LRRC4C: variants seen among roughly 807,000 people sequenced by gnomAD.
LRRC4C encodes the protein leucine rich repeat containing 4C.
A neutral mutation model predicts 33.6 loss-of-function variants in LRRC4C; 5 were observed. The observed-to-expected ratio is 0.15, with a 90% CI of 0.08 to 0.31. The LOEUF (loss-of-function observed/expected upper bound fraction) is 0.31. Ranked by LOEUF, LRRC4C falls within the 10% of genes least tolerant of loss-of-function variation. LRRC4C has a pLI of 1.00. For missense variants in LRRC4C, 560 were observed against 796.7 expected (o/e 0.70, Z 3.58); for synonymous variants, 329 against 302.0 (o/e 1.09, Z -0.93).
At chr11:41,009,047 GAC>G (rs1854973315) in intron 1 of LRRC4C, among the ~76,000 whole-genome samples, 1 of 151,924 alleles carries the variant, frequency 6.6e-6, no homozygotes, top group Non-Finnish European at 1.5e-5. Flanking sequence ...AACTTTTAAA[GAC>G]ATTGAAAGAA....
intron 2 of LRRC4C, among the ~76,000 whole-genome samples, chr11:40,863,015 A>C (rs1954178159): frequency 6.6e-6 from 1 of 152,048 alleles, no homozygotes; most frequent in Non-Finnish European, 1.5e-5. Context: ...ATCATCTTTT[A>C]CTCCTTTCAA....
Position 40,114,372 on chromosome 11 carries a change from A to C in LRRC4C, c.1921T>G (p.Ter641GluextTer18). The change falls in exon 7 of 7, where the codon TAA becomes GAA. Residue 641 changes from the stop codon to glutamate, a stop_lost. Transcript: ENST00000528697. The stretch of plus-strand genomic sequence containing the variant: ...TTTTTTGTAACTCTGTAAATGTTTT[A>C]GATTTGAGTCTCTTGTACATTGTCT... ...SKDNVQETQI* is the reference protein window; with the variant it reads ...SKDNVQETQIE The C allele has an allele frequency of 6.3e-7, 1 of 1,582,772 alleles. No homozygotes were observed.
At position 40,609,883 on chromosome 11, in the gene LRRC4C, A is replaced by AGAC. The variant is rs540664242; in HGVS notation, c.-270+38256_-270+38258dup. 1.1e-3 allele frequency among the ~76,000 whole-genome samples: 174 copies of AGAC among 152,170 alleles called. No homozygotes were observed. In the Middle Eastern group the frequency reaches 0.02, roughly 18 times the overall value. ...AATCTTAACGGAAGGACGAGTTAGAAGACTGATTTAGTAATGAAAACCTCC... is the reference window on the plus strand; with the variant it reads ...AATCTTAACGGAAGGACGAGTTAGAAGACGACTGATTTAGTAATGAAAACCTCC... On this transcript the variant is annotated intron_variant, in intron 3 of 6. Transcript: ENST00000528697.
chr11:40,553,590 A>G (rs1016570728), intron 3 of LRRC4C, among the ~76,000 whole-genome samples: 9 of 152,092 alleles, frequency 5.9e-5, no homozygotes, highest in Non-Finnish European at 1.0e-4. Flanking sequence ...AATATCAGTT[A>G]TTTTTGGACT....
At chr11:40,524,835 C>A (rs1015895433) in intron 3 of LRRC4C, among the ~76,000 whole-genome samples, 14 of 152,288 alleles carry the variant, frequency 9.2e-5, no homozygotes, top group African/African-American at 3.4e-4. Context: ...TTGGAGCTCG[C>A]ATAGGCATAC....
chr11:40,955,427 A>C (rs920363324), intron 1 of LRRC4C, among the ~76,000 whole-genome samples: 1 of 151,696 alleles, frequency 6.6e-6, no homozygotes, highest in Admixed American at 6.6e-5. Flanking sequence ...TTTCTTCATC[A>C]CTGGGGGGGA....
At chr11:40,708,173 A>G (rs1402864061) in intron 2 of LRRC4C, among the ~76,000 whole-genome samples, 1 of 151,990 alleles carries the variant, frequency 6.6e-6, no homozygotes, top group Non-Finnish European at 1.5e-5. Context: ...TCCTGGATTC[A>G]CTGATTTTTT....
chr11:40,216,813 G>GC (rs1189816959), intron 5 of LRRC4C, among the ~76,000 whole-genome samples: 1 of 152,122 alleles, frequency 6.6e-6, no homozygotes, highest in Non-Finnish European at 1.5e-5. Flanking sequence ...ATGGAAGACC[G>GC]CAAGTTCTTT....
At chr11:40,868,475 C>T (rs1246288419) in intron 2 of LRRC4C, among the ~76,000 whole-genome samples, 2 of 152,054 alleles carry the variant, frequency 1.3e-5, no homozygotes, top group East Asian at 1.9e-4. Flanking sequence ...TTAGATGAGT[C>T]AGCAGGAAAA....
At position 40,425,643 on chromosome 11, in the gene LRRC4C, G is replaced by A. The variant is rs537198228; in HGVS notation, c.-269-105922C>T. 3.3e-5 allele frequency among the ~76,000 whole-genome samples: 5 copies of A among 152,254 alleles called. No homozygotes were observed. In the East Asian group the frequency reaches 5.8e-4, roughly 18 times the overall value. ...AGTCGAAGTGAATAGAGCCATAAAC[G>A]GAGGAGCAAATGAAAATAGTGGAAA... On this transcript the variant is annotated intron_variant, in intron 3 of 6. Transcript: ENST00000528697.
chr11:40,475,867 C>A (rs184383625), intron 3 of LRRC4C, among the ~76,000 whole-genome samples: 2 of 152,256 alleles, frequency 1.3e-5, no homozygotes, highest in Non-Finnish European at 2.9e-5. Context: ...CTAAATTCCT[C>A]CCCATTTACT....
At chr11:40,871,840 C>G (rs1004611248) in intron 2 of LRRC4C, among the ~76,000 whole-genome samples, 14 of 152,100 alleles carry the variant, frequency 9.2e-5, no homozygotes, top group Non-Finnish European at 2.1e-4. Context: ...GAGAACTGCC[C>G]TACACACTCA....
At chr11:41,303,349 G>C (rs1354509093) in intron 1 of LRRC4C, among the ~76,000 whole-genome samples, 3 of 117,294 alleles carry the variant, frequency 2.6e-5, no homozygotes, top group Non-Finnish European at 3.7e-5. Flanking sequence ...TCGGCCTCCC[G>C]AGGTGCCGGG....
At position 40,728,371 on chromosome 11, in the gene LRRC4C, C is replaced by T. The variant is rs566573753; in HGVS notation, c.-406-80093G>A. On this transcript the variant is annotated intron_variant, in intron 2 of 6. Coordinates refer to ENST00000528697, the MANE Select transcript of LRRC4C (RefSeq NM_001258419.2). Reference sequence around the variant, plus strand: ...CTGTAATCCCAGCAATTTGGGAGGCCGAGGCGGACGGATCACGAGGTCAGG... The same window carrying T: ...CTGTAATCCCAGCAATTTGGGAGGCTGAGGCGGACGGATCACGAGGTCAGG... Among the ~76,000 whole-genome samples, 32 of 151,318 alleles carry T rather than the reference C, an allele frequency of 2.1e-4. No individual in the cohort carries two copies. In the South Asian group the frequency reaches 5.6e-3, roughly 27 times the overall value.
chr11:40,657,030 C>A (rs1199024691), intron 2 of LRRC4C, among the ~76,000 whole-genome samples: 1 of 152,122 alleles, frequency 6.6e-6, no homozygotes, highest in Non-Finnish European at 1.5e-5. Flanking sequence ...TATTTGGCTA[C>A]CTCCAAGCTA....
At position 40,822,106 on chromosome 11, in the gene LRRC4C, A is replaced by C. The variant is rs1336755985; in HGVS notation, c.-407+111529T>G. ...ACTGTGCTATTGAACACTAGAACTTATTCCTTCAATCTATTTTTGTAACCA... is the reference window on the plus strand; with the variant it reads ...ACTGTGCTATTGAACACTAGAACTTCTTCCTTCAATCTATTTTTGTAACCA... On this transcript the variant is annotated intron_variant, in intron 2 of 6. Transcript: ENST00000528697. Among the ~76,000 whole-genome samples, 4 of 151,650 alleles carry C rather than the reference A, an allele frequency of 2.6e-5. No homozygotes were observed. In the East Asian group the frequency reaches 7.7e-4, roughly 29 times the overall value.
intron 4 of LRRC4C, among the ~76,000 whole-genome samples, chr11:40,312,675 T>C (rs1207668022): frequency 6.6e-6 from 1 of 152,204 alleles, no homozygotes; most frequent in East Asian, 1.9e-4. Context: ...GGGGTTCCTG[T>C]TTTAGTCTTA....
intron 2 of LRRC4C, among the ~76,000 whole-genome samples, chr11:40,843,254 G>GACTT (rs1952996758): frequency 6.6e-6 from 1 of 151,968 alleles, no homozygotes; most frequent in African/African-American, 2.4e-5. Context: ...TTGATATCTG[G>GACTT]ACTTACTCTC....
intron 2 of LRRC4C, among the ~76,000 whole-genome samples, chr11:40,811,289 A>G (rs1429349967): frequency 6.6e-6 from 1 of 152,090 alleles, no homozygotes; most frequent in South Asian, 2.1e-4. Context: ...TATTTCCTCC[A>G]TAGCACCTAA....
Sources: gnomAD v4.1 joint callset for allele counts (sites outside exome capture counted in the v4.1 genomes callset) on GRCh38, gnomAD v4.1.1 for gene constraint, MANE v1.5 for transcripts, NCBI Gene and HGNC (gene_info 2026-07-23, HGNC 2026-07-21) for gene names.